TRAPPC9: variants seen among roughly 807,000 people sequenced by gnomAD.
TRAPPC9 encodes the protein trafficking protein particle complex subunit 9.
In TRAPPC9, 83 loss-of-function variants were observed where a neutral mutation model predicts 124.0. That is an observed-to-expected ratio of 0.67 (90% CI 0.56 to 0.80). The LOEUF (loss-of-function observed/expected upper bound fraction) is 0.80. TRAPPC9 is among the 30% of genes least tolerant of loss of function. The pLI is 0.00. For synonymous variants in TRAPPC9, 638 were observed against 617.5 expected (o/e 1.03, Z -0.49); for missense variants, 1,302 against 1,508.3 (o/e 0.86, Z 2.27).
chr8:139,743,228 C>G (rs1407533461), intron 21 of TRAPPC9, among the ~76,000 whole-genome samples: 1 of 152,162 alleles, frequency 6.6e-6, no homozygotes, highest in Non-Finnish European at 1.5e-5. Context: ...AGGGCATGTC[C>G]CCTCAAGGCT....
intron 17 of TRAPPC9, among the ~76,000 whole-genome samples, chr8:140,179,031 T>C (rs1452450246): frequency 2.0e-5 from 3 of 152,150 alleles, no homozygotes; most frequent in African/African-American, 7.2e-5. Context: ...ATGCATTTTA[T>C]TGATCTCTTC....
Position 140,405,604 on chromosome 8 carries a change from A to C in TRAPPC9, c.981T>G (p.Tyr327Ter). The change falls in exon 6 of 23, where the codon TAT becomes TAG. Residue 327 changes from tyrosine to a stop codon, truncating the protein, a stop_gained. Coordinates refer to ENST00000438773, the MANE Select transcript of TRAPPC9 (RefSeq NM_001160372.4). LOFTEE classifies it high-confidence loss of function. ...CLSPEDIIDKYKEAISYYSKY... is the reference protein window; with the variant it reads ...CLSPEDIIDK ...TGCTGTAATAGGAAATCGCCTCTTT[A>C]TACTTGTCAATTATGTCTTCAGGGC... The C allele has an allele frequency of 6.2e-7, 1 of 1,614,182 alleles. No individual in the cohort carries two copies. The highest frequency in any genetic ancestry group is 8.5e-7 in the Non-Finnish European group (1 of 1,180,008).
intron 21 of TRAPPC9, among the ~76,000 whole-genome samples, chr8:139,745,522 C>T (rs773528037): frequency 2.0e-5 from 3 of 152,218 alleles, no homozygotes; most frequent in Admixed American, 6.5e-5. Flanking sequence ...ACGCTCAAAG[C>T]GATTGGTAGG....
chr8:139,905,743 T>C (rs897973959), intron 20 of TRAPPC9, among the ~76,000 whole-genome samples: 4 of 152,294 alleles, frequency 2.6e-5, no homozygotes, highest in South Asian at 4.1e-4. Context: ...GAAGTGGTTT[T>C]CATAGTCATA....
chr8:140,170,358 G>C (rs2061942184), intron 17 of TRAPPC9, among the ~76,000 whole-genome samples: 1 of 152,218 alleles, frequency 6.6e-6, no homozygotes, highest in African/African-American at 2.4e-5. Flanking sequence ...GTTCACAGAA[G>C]GAAAATGATC....
intron 19 of TRAPPC9, among the ~76,000 whole-genome samples, chr8:139,959,837 G>C (rs922653161): frequency 2.0e-5 from 3 of 152,180 alleles, no homozygotes; most frequent in Non-Finnish European, 2.9e-5. Context: ...GGCAGGTGGA[G>C]AACTTCAAAG....
chr8:140,152,461 C>T (rs1457905615), intron 17 of TRAPPC9, among the ~76,000 whole-genome samples: 30 of 148,812 alleles, frequency 2.0e-4, no homozygotes, highest in African/African-American at 5.2e-4. Context: ...CCCAGGTTCA[C>T]GCCATTCTCC....
intron 19 of TRAPPC9, among the ~76,000 whole-genome samples, chr8:139,920,206 C>T (rs902296112): frequency 6.6e-6 from 1 of 152,092 alleles, no homozygotes; most frequent in Admixed American, 6.5e-5. Context: ...ATTAGCCAGG[C>T]GTGGTGGCGC....
Position 139,834,172 on chromosome 8 carries a change from GC to G in TRAPPC9, c.3055+51706del, listed in dbSNP as rs1245437478. On this transcript the variant is annotated intron_variant, in intron 21 of 22. Coordinates refer to ENST00000438773, the MANE Select transcript of TRAPPC9 (RefSeq NM_001160372.4). ...CCCACCAGAGCCTGTCACAGTGGGA[GC>G]TGAGTCACAAGGGACTCTGCTTGCT... 1.3e-4 allele frequency among the ~76,000 whole-genome samples: 20 copies of G among 152,326 alleles called. No individual in the cohort carries two copies. The East Asian group carries it at 3.3e-3, about 25-fold the overall frequency.
chr8:139,812,534 A>G (rs1824515502), intron 21 of TRAPPC9, among the ~76,000 whole-genome samples: 1 of 152,258 alleles, frequency 6.6e-6, no homozygotes, highest in Non-Finnish European at 1.5e-5. Flanking sequence ...GTGATGGGGC[A>G]GGCAGGAGTA....
At chr8:140,214,492 C>T (rs562929970) in intron 17 of TRAPPC9, among the ~76,000 whole-genome samples, 20 of 152,340 alleles carry the variant, frequency 1.3e-4, no homozygotes, top group African/African-American at 4.6e-4. Flanking sequence ...ATCTCATTTT[C>T]CTCCTTACAT....
At chr8:140,029,071 C>T (rs1264918763) in intron 17 of TRAPPC9, among the ~76,000 whole-genome samples, 1 of 152,170 alleles carries the variant, frequency 6.6e-6, no homozygotes, top group Non-Finnish European at 1.5e-5. Context: ...ATTAAAAGGA[C>T]AATCAGGGAA....
At position 140,260,285 on chromosome 8, in the gene TRAPPC9, G is replaced by A. The variant is rs188210502; in HGVS notation, c.2279-7356C>T. On this transcript the variant is annotated intron_variant, in intron 15 of 22. Coordinates refer to ENST00000438773, the MANE Select transcript of TRAPPC9 (RefSeq NM_001160372.4). Reference sequence around the variant, plus strand: ...TGCAAGACTGATCTTGCTAAGGCCCGTGGCTCGAGAGTGAAGTGGGTTCTG... The same window carrying A: ...TGCAAGACTGATCTTGCTAAGGCCCATGGCTCGAGAGTGAAGTGGGTTCTG... Among the ~76,000 whole-genome samples the A allele has an allele frequency of 9.9e-5, 15 of 152,268 alleles. No individual in the cohort carries two copies. The East Asian group carries it at 2.5e-3, about 26-fold the overall frequency.
At chr8:139,792,622 C>G (rs1177702306) in intron 21 of TRAPPC9, among the ~76,000 whole-genome samples, 1 of 152,192 alleles carries the variant, frequency 6.6e-6, no homozygotes, top group Non-Finnish European at 1.5e-5. Flanking sequence ...CCCTGCTACC[C>G]TGTGTCTGAA....
intron 2 of TRAPPC9, among the ~76,000 whole-genome samples, chr8:140,446,380 T>C (rs1463880573): frequency 6.9e-6 from 1 of 144,362 alleles, no homozygotes; most frequent in Non-Finnish European, 1.5e-5. Flanking sequence ...ATAGCTAAGG[T>C]TGAACTGCCT....
chr8:139,885,069 A>T (rs1023727568), intron 21 of TRAPPC9, among the ~76,000 whole-genome samples: 1 of 152,240 alleles, frequency 6.6e-6, no homozygotes, highest in East Asian at 1.9e-4. Flanking sequence ...GGAGCTACTC[A>T]TTCACAATGA....
intron 21 of TRAPPC9, among the ~76,000 whole-genome samples, chr8:139,782,776 A>G (rs1458209132): frequency 2.0e-5 from 3 of 152,256 alleles, no homozygotes; most frequent in Admixed American, 6.5e-5. Flanking sequence ...TCAAGTGAAC[A>G]TTGAGTATTT....
intron 11 of TRAPPC9, among the ~76,000 whole-genome samples, chr8:140,295,850 T>C (rs566394293): frequency 3.4e-4 from 52 of 152,312 alleles, no homozygotes; most frequent in African/African-American, 1.1e-3. Context: ...CAAAAAGATA[T>C]TAGAAGCTAT....
chr8:140,180,727 T>G (rs1395898353), intron 17 of TRAPPC9, among the ~76,000 whole-genome samples: 3 of 151,396 alleles, frequency 2.0e-5, no homozygotes, highest in African/African-American at 7.3e-5. Context: ...TCCACTGTCT[T>G]CCAGGAGCAT....
Sources: gnomAD v4.1 joint callset for allele counts (sites outside exome capture counted in the v4.1 genomes callset) on GRCh38, gnomAD v4.1.1 for gene constraint, MANE v1.5 for transcripts, NCBI Gene and HGNC (gene_info 2026-07-23, HGNC 2026-07-21) for gene names.